Variants in NR6A1 observed in about 807,000 individuals in gnomAD.
NR6A1 encodes retinoic acid receptor-related testis-associated receptor.
In NR6A1, 7 loss-of-function variants were observed where a neutral mutation model predicts 59.1. The ratio of observed to expected loss-of-function variants is 0.12; its 90% confidence interval spans 0.07 to 0.22. The LOEUF (loss-of-function observed/expected upper bound fraction) is 0.22, where lower values mean the gene tolerates loss of function less well. Among genes scored for constraint, NR6A1 ranks in the 10% least tolerant of loss-of-function variants. The pLI, the probability that NR6A1 is intolerant of heterozygous loss-of-function variation, is 1.00. For missense variants in NR6A1, 468 were observed against 611.6 expected (o/e 0.77, Z 2.48); for synonymous variants, 243 against 236.1 (o/e 1.03, Z -0.27).
chr9:124,557,030 T>C (rs549584616), intron 2 of NR6A1, among the ~76,000 whole-genome samples: 2 of 152,342 alleles, frequency 1.3e-5, no homozygotes, highest in East Asian at 3.9e-4. Flanking sequence ...TTGAGGACTC[T>C]ACAGTTCTTG....
At chr9:124,544,886 T>C (rs977921101) in intron 3 of NR6A1, among the ~76,000 whole-genome samples, 5 of 152,188 alleles carry the variant, frequency 3.3e-5, no homozygotes, top group Admixed American at 3.3e-4. Context: ...TTTTAAAAAA[T>C]CTTTCTGACA....
chr9:124,599,996 A>T (rs1835402277), intron 2 of NR6A1, among the ~76,000 whole-genome samples: 1 of 152,220 alleles, frequency 6.6e-6, no homozygotes, highest in African/African-American at 2.4e-5. Context: ...AGTGTAAAAC[A>T]AAAGACAGCA....
rs140099372 is a variant in NR6A1 at position 124,530,217 on chromosome 9, C to T, written c.1080-3317G>A. 1.5e-3 allele frequency among the ~76,000 whole-genome samples: 229 copies of T among 152,254 alleles called. 1 individual carries two copies. Among genetic ancestry groups the T allele is most frequent in the African/African-American group, 5.3e-3 (221 of 41,548 alleles). ...TCTGCCCTTTCTCTTGCGGACAGCA[C>T]ATCCTTCTTTTCCAAAATTCCTCCA... On this transcript the variant is annotated intron_variant, in intron 7 of 9. Coordinates refer to ENST00000487099, the MANE Select transcript of NR6A1 (RefSeq NM_033334.4).
intron 1 of NR6A1, among the ~76,000 whole-genome samples, chr9:124,769,784 GC>G (rs1841058306): frequency 6.6e-6 from 1 of 152,240 alleles, no homozygotes; most frequent in Non-Finnish European, 1.5e-5. Context: ...CGGAGCGTTT[GC>G]CGGCCGGTGC....
In NR6A1 at chr9:124,680,582, C is replaced by T. The variant is rs552802201; in HGVS notation, c.142+52726G>A. Among the ~76,000 whole-genome samples, 181 of 152,230 alleles carry T rather than the reference C, an allele frequency of 1.2e-3. 1 individual carries two copies. The highest frequency in any genetic ancestry group is 3.8e-3 in the African/African-American group (159 of 41,542). ...CCTTTATTGAGCTCCACTGTACAAA[C>T]GAGCCCTTAAATACTATGGTAAAGC... On this transcript the variant is annotated intron_variant, in intron 2 of 9. Transcript: ENST00000487099.
chr9:124,732,977 G>C (rs188044577), intron 2 of NR6A1, among the ~76,000 whole-genome samples: 4 of 152,124 alleles, frequency 2.6e-5, no homozygotes, highest in African/African-American at 9.7e-5. Flanking sequence ...GATTACAGGC[G>C]TCAGCCACCA....
intron 9 of NR6A1, among the ~76,000 whole-genome samples, chr9:124,523,724 A>C (rs1356937537): frequency 1.3e-5 from 2 of 152,206 alleles, no homozygotes; most frequent in Non-Finnish European, 2.9e-5. Flanking sequence ...GTTTAGGCCC[A>C]GCTCACATTT....
At chr9:124,731,242 C>T (rs186174971) in intron 2 of NR6A1, among the ~76,000 whole-genome samples, 31 of 152,088 alleles carry the variant, frequency 2.0e-4, no homozygotes, top group African/African-American at 5.8e-4. Context: ...TGGTTGCGCA[C>T]GCCTGTAGTC....
chr9:124,605,637 G>T (rs762000899), intron 2 of NR6A1, among the ~76,000 whole-genome samples: 7 of 152,084 alleles, frequency 4.6e-5, no homozygotes, highest in Non-Finnish European at 1.0e-4. Context: ...ACTTTTAAAG[G>T]ATAAGGATAC....
chr9:124,664,235 A>G lies in NR6A1; in HGVS notation c.142+69073T>C, dbSNP rs150735453. Reference sequence around the variant, plus strand: ...AAGTGAAAAATGCTGGATATACCACATAACCTTTTGGAGGACATAAGGCAG... The same window carrying G: ...AAGTGAAAAATGCTGGATATACCACGTAACCTTTTGGAGGACATAAGGCAG... On this transcript the variant is annotated intron_variant, in intron 2 of 9. Transcript: ENST00000487099. Among the ~76,000 whole-genome samples the G allele has an allele frequency of 5.0e-4, 76 of 152,364 alleles. No individual in the cohort carries two copies. In the East Asian group the frequency reaches 0.013, roughly 27 times the overall value.
At chr9:124,645,070 T>A (rs1836892727) in intron 2 of NR6A1, among the ~76,000 whole-genome samples, 6 of 152,232 alleles carry the variant, frequency 3.9e-5, no homozygotes, top group Admixed American at 1.3e-4. Context: ...AAAATAGACT[T>A]GGATTGGTTA....
intron 2 of NR6A1, among the ~76,000 whole-genome samples, chr9:124,643,701 A>G (rs1411385549): frequency 2.0e-5 from 3 of 148,272 alleles, no homozygotes; most frequent in Admixed American, 1.4e-4. Context: ...TGAGCCCAGG[A>G]GTCTGAGGCA....
intron 2 of NR6A1, among the ~76,000 whole-genome samples, chr9:124,697,875 G>A (rs562005200): frequency 5.3e-5 from 8 of 152,258 alleles, no homozygotes; most frequent in Admixed American, 2.0e-4. Context: ...GTAAATAGGA[G>A]ATACAACAAT....
At chr9:124,534,402 G>GA (rs1833192386) in intron 7 of NR6A1, among the ~76,000 whole-genome samples, 1 of 152,128 alleles carries the variant, frequency 6.6e-6, no homozygotes, top group Admixed American at 6.5e-5. Flanking sequence ...TAACAAGGCA[G>GA]AAAGTCATCT....
intron 2 of NR6A1, among the ~76,000 whole-genome samples, chr9:124,682,806 C>A (rs1838208408): frequency 6.6e-6 from 1 of 152,126 alleles, no homozygotes; most frequent in South Asian, 2.1e-4. Context: ...ATAATTCTTT[C>A]TTTGTTTGGC....
intron 2 of NR6A1, among the ~76,000 whole-genome samples, chr9:124,616,124 G>T: frequency 6.6e-6 from 1 of 151,942 alleles, no homozygotes; most frequent in East Asian, 1.9e-4. Flanking sequence ...TTGGACAGGC[G>T]CAGTGGCTCA....
chr9:124,532,306 A>G (rs78463682), intron 7 of NR6A1, among the ~76,000 whole-genome samples: 2,508 of 152,246 alleles, frequency 0.016, 76 homozygotes, highest in East Asian at 0.15. Flanking sequence ...ACGTTCCTAG[A>G]AATTCCCACT....
At chr9:124,615,021 TCA>T (rs1330153231) in intron 2 of NR6A1, among the ~76,000 whole-genome samples, 1 of 152,212 alleles carries the variant, frequency 6.6e-6, no homozygotes, top group Non-Finnish European at 1.5e-5. Context: ...GGTTCACTTT[TCA>T]CACAAATAAG....
intron 2 of NR6A1, chr9:124,599,454 T>C (rs1835384601): frequency 6.2e-5 from 27 of 433,688 alleles, no homozygotes; most frequent in South Asian, 4.2e-4. Flanking sequence ...TTCATCTTCC[T>C]CCAGCGTTTT....
Sources: gnomAD v4.1 joint callset for allele counts (sites outside exome capture counted in the v4.1 genomes callset) on GRCh38, gnomAD v4.1.1 for gene constraint, MANE v1.5 for transcripts, NCBI Gene and HGNC (gene_info 2026-07-23, HGNC 2026-07-21) for gene names.